Variants in ABHD3 observed in about 807,000 individuals in gnomAD.
ABHD3 encodes the protein phospholipase ABHD3.
A neutral mutation model predicts 48.8 loss-of-function variants in ABHD3; 46 were observed. The observed-to-expected ratio is 0.94, with a 90% CI of 0.74 to 1.20. The LOEUF is 1.20. Among genes scored for constraint, ABHD3 ranks in the 50% most tolerant of loss-of-function variants. The pLI is 0.00. For missense variants in ABHD3, 490 were observed against 497.8 expected, an observed-to-expected ratio of 0.98 and a Z score of 0.15; for synonymous variants, 192 against 183.7, an observed-to-expected ratio of 1.04 and a Z score of -0.36.
intron 3 of ABHD3, among the ~76,000 whole-genome samples, chr18:21,689,193 T>C (rs1415537799): frequency 6.6e-6 from 1 of 152,142 alleles, no homozygotes; most frequent in African/African-American, 2.4e-5. Context: ...CTTCTCCTTT[T>C]TTTACCTGAG....
intron 4 of ABHD3, among the ~76,000 whole-genome samples, chr18:21,666,460 A>G (rs761647096): frequency 5.3e-5 from 8 of 151,528 alleles, no homozygotes; most frequent in East Asian, 1.9e-4. Context: ...CCAAAGTGCT[A>G]GGATTACAGG....
intron 5 of ABHD3, chr18:21,663,862 T>A: frequency 6.7e-7 from 1 of 1,492,970 alleles, no homozygotes; most frequent in Non-Finnish European, 8.9e-7. Flanking sequence ...ATCGACTTCA[T>A]GGGCTTCAGA....
chr18:21,651,513 A>T lies in ABHD3; in HGVS notation c.*78T>A. On this transcript the variant is annotated 3_prime_UTR_variant, in exon 9 of 9. Transcript: ENST00000289119. Reference sequence around the variant, plus strand: ...CTGCTGGCTTATTTGCTTTATATACAACAGTTAAAATTTGTGCACTAAGCT... The same window carrying T: ...CTGCTGGCTTATTTGCTTTATATACTACAGTTAAAATTTGTGCACTAAGCT... The T allele has an allele frequency of 6.4e-7, 1 of 1,556,344 alleles. No homozygotes were observed. The highest frequency in any genetic ancestry group is 8.8e-7 in the Non-Finnish European group (1 of 1,137,838).
intron 2 of ABHD3, 51 bp from the exon 3 acceptor site, chr18:21,702,549 T>C: frequency 8.7e-7 from 1 of 1,149,546 alleles, no homozygotes; most frequent in Non-Finnish European, 1.1e-6. Flanking sequence ...TTAAGTCATG[T>C]CTTAATTTTA....
At chr18:21,702,978 A>C (rs1292433870) in intron 2 of ABHD3, among the ~76,000 whole-genome samples, 1 of 152,206 alleles carries the variant, frequency 6.6e-6, no homozygotes, top group African/African-American at 2.4e-5. Context: ...TCATGAACTT[A>C]CAGAATTTTC....
intron 5 of ABHD3, chr18:21,662,010 C>T (rs1287666945): frequency 6.6e-6 from 1 of 151,634 alleles, no homozygotes; most frequent in African/African-American, 2.4e-5. Context: ...GCTCTATTGC[C>T]CAGGCTGGAG....
In ABHD3 at chr18:21,666,240, A is replaced by C. The variant is rs2039623401; in HGVS notation, c.556-2010T>G. On this transcript the variant is annotated intron_variant, in intron 4 of 8. Transcript: ENST00000289119. The stretch of plus-strand genomic sequence containing the variant: ...GACACAGTCTCGCTCTGTTGCCAGG[A>C]TGGAGTGCTGTGGCGCGATCTTGGC... Among the ~76,000 whole-genome samples the C allele has an allele frequency of 3.3e-5, 5 of 151,934 alleles. No individual in the cohort carries two copies. The South Asian group carries it at 1.0e-3, about 32-fold the overall frequency.
chr18:21,654,120 G>A (rs1157430484), intron 8 of ABHD3, among the ~76,000 whole-genome samples: 1 of 151,916 alleles, frequency 6.6e-6, no homozygotes, highest in Admixed American at 6.6e-5. Context: ...CCAAACTGCT[G>A]GGATTACAGG....
intron 3 of ABHD3, among the ~76,000 whole-genome samples, chr18:21,685,443 T>C (rs779054222): frequency 6.6e-6 from 1 of 152,244 alleles, no homozygotes; most frequent in African/African-American, 2.4e-5. Flanking sequence ...TTAGGCCCAG[T>C]TGAAAGAAGA....
intron 4 of ABHD3, among the ~76,000 whole-genome samples, chr18:21,680,613 C>G (rs1196456399): frequency 6.6e-6 from 1 of 152,082 alleles, no homozygotes; most frequent in African/African-American, 2.4e-5. Flanking sequence ...AACTGACACA[C>G]TGTGTAAGAC....
chr18:21,672,574 G>C (rs1568147344), intron 4 of ABHD3, among the ~76,000 whole-genome samples: 1 of 152,142 alleles, frequency 6.6e-6, no homozygotes, highest in African/African-American at 2.4e-5. Flanking sequence ...AATGAAGTCT[G>C]TGATTCCTGT....
intron 4 of ABHD3, among the ~76,000 whole-genome samples, chr18:21,677,431 T>C (rs1193436656): frequency 3.3e-5 from 5 of 151,398 alleles, no homozygotes; most frequent in African/African-American, 4.9e-5. Context: ...GGTCTCGATC[T>C]CCTGATCTCG....
chr18:21,704,555 G>GATA lies in ABHD3; in HGVS notation c.108_110dup (p.Ile37dup). 6.5e-7 allele frequency: 1 copy of GATA among 1,530,044 alleles called. No homozygotes were observed. The highest frequency in any genetic ancestry group is 1.2e-5 in the South Asian group (1 of 81,224). The allele number at this position is 1,530,044 out of a possible 1,614,324, so 94.8% of individuals were successfully genotyped here. ...AGGCATAAGCGACGCTGAAGCCCAG[G>GATA]ATAAGGGATAAGCCCACCCCCGAGC... On this transcript the variant is annotated inframe_insertion, in exon 1 of 9. Transcript: ENST00000289119.
intron 4 of ABHD3, among the ~76,000 whole-genome samples, chr18:21,668,200 C>CAAAAA (rs747590942): frequency 0.25 from 15,125 of 60,672 alleles, 2,382 homozygotes; most frequent in African/African-American, 0.53. Flanking sequence ...GAATCTATCT[C>CAAAAA]AAAAAAAAAA....
rs1055921721 is a variant in ABHD3 at position 21,661,636 on chromosome 18, AAAAC to A, written c.669-2297_669-2294del. The stretch of plus-strand genomic sequence containing the variant: ...ACAATGGGAGACTCCATCTCAAAAG[AAAAC>A]AAACAAACAAAAAAACCCACAAAAC... On this transcript the variant is annotated intron_variant, in intron 5 of 8. Transcript: ENST00000289119. 7.8e-4 allele frequency among the ~76,000 whole-genome samples: 119 copies of A among 152,202 alleles called. No individual in the cohort carries two copies. In the Middle Eastern group the frequency reaches 0.01, roughly 13 times the overall value.
At chr18:21,669,534 G>A (rs2039709810) in intron 4 of ABHD3, among the ~76,000 whole-genome samples, 1 of 152,066 alleles carries the variant, frequency 6.6e-6, no homozygotes, top group Non-Finnish European at 1.5e-5. Context: ...TCTCCCCAGT[G>A]ACTGAACCTA....
rs1290681156 is a variant in ABHD3, at chr18:21,651,417, T to C, written c.*174A>G. On this transcript the variant is annotated 3_prime_UTR_variant, in exon 9 of 9. Transcript: ENST00000289119. Reference sequence around the variant, plus strand: ...GTAACAATCTAATACTATATTTAATTTGTTGCTACAAAGTTGTTTTGTTTC... The same window carrying C: ...GTAACAATCTAATACTATATTTAATCTGTTGCTACAAAGTTGTTTTGTTTC... The C allele has an allele frequency of 1.7e-6, 1 of 591,662 alleles. No individual in the cohort carries two copies. Among genetic ancestry groups the C allele is most frequent in the Non-Finnish European group, 2.8e-6 (1 of 361,610 alleles). The allele number at this position is 591,662 out of a possible 1,614,324, so 36.7% of individuals were successfully genotyped here.
At chr18:21,668,060 G>A (rs2039675206) in intron 4 of ABHD3, among the ~76,000 whole-genome samples, 4 of 151,540 alleles carry the variant, frequency 2.6e-5, no homozygotes, top group Admixed American at 2.6e-4. Flanking sequence ...AATTAGCCGG[G>A]TGTGGTGGCA....
intron 5 of ABHD3, 80 bp downstream of exon 5, chr18:21,664,038 C>T (rs929827052): frequency 4.0e-6 from 6 of 1,489,318 alleles, no homozygotes; most frequent in Middle Eastern, 3.7e-4. Flanking sequence ...GTCCATACAG[C>T]TAGCTTATAG....
Sources: gnomAD v4.1 joint callset for allele counts (sites outside exome capture counted in the v4.1 genomes callset) on GRCh38, gnomAD v4.1.1 for gene constraint, MANE v1.5 for transcripts, NCBI Gene and HGNC (gene_info 2026-07-23, HGNC 2026-07-21) for gene names.